The following CDH13 variants were observed in gnomAD, a reference collection of about 807,000 sequenced individuals.
The protein encoded by CDH13 is cadherin 13.
A neutral mutation model predicts 63.8 loss-of-function variants in CDH13; 24 were observed. That is an observed-to-expected ratio of 0.38 (90% CI 0.27 to 0.53). The LOEUF is 0.53. Ranked by LOEUF, CDH13 falls within the 20% of genes least tolerant of loss-of-function variation. The pLI, the probability that CDH13 is intolerant of heterozygous loss-of-function variation, is 0.85. For synonymous variants in CDH13, 503 were observed against 355.3 expected (o/e 1.42, Z -4.67); for missense variants, 1,049 against 903.1 (o/e 1.16, Z -2.07).
Position 83,521,887 on chromosome 16 carries a change from A to G in CDH13, c.960+35232A>G, listed in dbSNP as rs528737092. Among the ~76,000 whole-genome samples the G allele has an allele frequency of 7.9e-5, 12 of 152,368 alleles. No homozygotes were observed. The East Asian group carries it at 2.3e-3, about 29-fold the overall frequency. On this transcript the variant is annotated intron_variant, in intron 7 of 13. Transcript: ENST00000567109. The stretch of plus-strand genomic sequence containing the variant: ...CTTCACCTATAATACAGGGCAAATC[A>G]TCCTACTATATGAGGTCGTTGAAGT...
intron 3 of CDH13, among the ~76,000 whole-genome samples, chr16:83,045,814 G>T (rs1461100781): frequency 1.3e-5 from 2 of 152,156 alleles, no homozygotes; most frequent in African/African-American, 4.8e-5. Context: ...CATTTATTCA[G>T]TCTTTTTCCA....
intron 2 of CDH13, among the ~76,000 whole-genome samples, chr16:82,893,146 C>T (rs576851099): frequency 1.3e-5 from 2 of 152,210 alleles, no homozygotes; most frequent in Non-Finnish European, 2.9e-5. Context: ...AGCAAACAAA[C>T]AAGCAAACCT....
chr16:83,512,371 A>G (rs894253241), intron 7 of CDH13, among the ~76,000 whole-genome samples: 1 of 139,608 alleles, frequency 7.2e-6, no homozygotes, highest in African/African-American at 2.6e-5. Context: ...TAAATAAATA[A>G]AATAAAAATA....
At chr16:82,818,740 C>T (rs976672980) in intron 1 of CDH13, among the ~76,000 whole-genome samples, 12 of 152,168 alleles carry the variant, frequency 7.9e-5, no homozygotes, top group African/African-American at 2.7e-4. Context: ...AGGCATCTCT[C>T]GGCAGCATGC....
rs183484553 is a variant in CDH13, at chr16:83,427,589, A to T, written c.782-58888A>T. The stretch of plus-strand genomic sequence containing the variant: ...TTTAAGTCACTAAGATGGTACAGTT[A>T]GTTACTGCAGCTGCAAGAGACTCAT... On this transcript the variant is annotated intron_variant, in intron 6 of 13. Transcript: ENST00000567109. 2.8e-3 allele frequency among the ~76,000 whole-genome samples: 428 copies of T among 152,298 alleles called. 5 individuals are homozygous for T. Among genetic ancestry groups the T allele is most frequent in the African/African-American group, 9.8e-3 (408 of 41,572 alleles).
intron 6 of CDH13, among the ~76,000 whole-genome samples, chr16:83,418,546 A>C (rs1016040258): frequency 6.6e-6 from 1 of 152,184 alleles, no homozygotes; most frequent in Non-Finnish European, 1.5e-5. Context: ...GCAGACTTCA[A>C]GTTACAAGTT....
chr16:83,434,639 ATGTACATAGCCCTTCC>A (rs1328298318), intron 6 of CDH13, among the ~76,000 whole-genome samples: 1 of 151,814 alleles, frequency 6.6e-6, no homozygotes, highest in Admixed American at 6.6e-5. Flanking sequence ...ATCAGTAATC[ATGTACATAGCCCTTCC>A]TCTTATCCCT....
chr16:82,946,427 A>G lies in CDH13; in HGVS notation c.158-85583A>G, dbSNP rs915728596. 3.0e-4 allele frequency among the ~76,000 whole-genome samples: 46 copies of G among 152,282 alleles called. 1 individual carries two copies. Among genetic ancestry groups the G allele is most frequent in the African/African-American group, 9.6e-4 (40 of 41,560 alleles). ...ATTTCATCATATAAAATTAAGCTTA[A>G]TCTTCATTTAGGCCAGGTGTGGTGG... On this transcript the variant is annotated intron_variant, in intron 2 of 13. Coordinates refer to ENST00000567109, the MANE Select transcript of CDH13 (RefSeq NM_001257.5).
At chr16:82,799,286 C>T (rs549629415) in intron 1 of CDH13, among the ~76,000 whole-genome samples, 1 of 152,310 alleles carries the variant, frequency 6.6e-6, no homozygotes, top group South Asian at 2.1e-4. Flanking sequence ...AATTGATACT[C>T]ATGAAAGTTG....
chr16:82,755,218 T>G (rs2151075248), intron 1 of CDH13, among the ~76,000 whole-genome samples: 1 of 152,332 alleles, frequency 6.6e-6, no homozygotes, highest in South Asian at 2.1e-4. Flanking sequence ...TCCCTTTTTC[T>G]CTGCAGCTTG....
chr16:83,477,032 G>T (rs953609268), intron 6 of CDH13, among the ~76,000 whole-genome samples: 1 of 152,204 alleles, frequency 6.6e-6, no homozygotes, highest in Non-Finnish European at 1.5e-5. Flanking sequence ...AATGAATCAT[G>T]ATGGGGGACC....
rs570295412 is a variant in CDH13, at chr16:83,799,379, G to A, written c.*4349G>A. On this transcript the variant is annotated 3_prime_UTR_variant, in exon 14 of 14. Transcript: ENST00000567109. Reference sequence around the variant, plus strand: ...CCATTCACTACCAAACCAACTGAGGGGAGAGAAAACTGAGGGAGAAAGTGG... The same window carrying A: ...CCATTCACTACCAAACCAACTGAGGAGAGAGAAAACTGAGGGAGAAAGTGG... The A allele has an allele frequency of 6.6e-6, 1 of 152,162 alleles. No individual in the cohort carries two copies. The highest frequency in any genetic ancestry group is 1.9e-4 in the East Asian group (1 of 5,188). The allele number at this position is 152,162 out of a possible 1,614,324, so 9.4% of individuals were successfully genotyped here.
intron 1 of CDH13, among the ~76,000 whole-genome samples, chr16:82,668,614 T>C (rs774568155): frequency 9.2e-5 from 14 of 152,222 alleles, no homozygotes; most frequent in Non-Finnish European, 1.8e-4. Context: ...TGAGGCCCTG[T>C]CTTTTATCTA....
intron 5 of CDH13, among the ~76,000 whole-genome samples, chr16:83,280,430 CTTCTAA>C (rs2089134900): frequency 6.6e-6 from 1 of 152,234 alleles, no homozygotes; most frequent in Non-Finnish European, 1.5e-5. Flanking sequence ...TCAAGCCACA[CTTCTAA>C]TTCTAGCTCT....
intron 6 of CDH13, among the ~76,000 whole-genome samples, chr16:83,481,601 C>A (rs1200665052): frequency 6.6e-6 from 1 of 152,196 alleles, no homozygotes; most frequent in Non-Finnish European, 1.5e-5. Flanking sequence ...TGTTAATCAG[C>A]CTGTCAGGCT....
In CDH13 at chr16:83,110,365, C is replaced by T. The variant is rs1244455641; in HGVS notation, c.367-15020C>T. On this transcript the variant is annotated intron_variant, in intron 3 of 13. Coordinates refer to ENST00000567109, the MANE Select transcript of CDH13 (RefSeq NM_001257.5). The stretch of plus-strand genomic sequence containing the variant: ...ACCACACAACAGCTGGTTTTGGTCA[C>T]TTGGTAGGTGACAATCCAGTGACCA... 4.6e-5 allele frequency among the ~76,000 whole-genome samples: 7 copies of T among 152,322 alleles called. No homozygotes were observed. The East Asian group carries it at 1.2e-3, about 25-fold the overall frequency.
At chr16:83,607,304 T>C (rs1265561170) in intron 8 of CDH13, among the ~76,000 whole-genome samples, 5 of 151,752 alleles carry the variant, frequency 3.3e-5, no homozygotes, top group Admixed American at 3.3e-4. Flanking sequence ...CCTGTAATCC[T>C]AGCTACTTGG....
At chr16:83,093,465 C>T (rs2151587163) in intron 3 of CDH13, among the ~76,000 whole-genome samples, 1 of 151,674 alleles carries the variant, frequency 6.6e-6, no homozygotes, top group Non-Finnish European at 1.5e-5. Flanking sequence ...ATTATAGGCA[C>T]CCACCACCAT....
intron 5 of CDH13, among the ~76,000 whole-genome samples, chr16:83,343,619 G>T (rs192654706): frequency 6.6e-6 from 1 of 152,168 alleles, no homozygotes; most frequent in Non-Finnish European, 1.5e-5. Flanking sequence ...AAGAATGTTT[G>T]TCTTTCATTT....
Sources: allele counts gnomAD v4.1 joint callset (sites outside exome capture counted in the v4.1 genomes callset), GRCh38; gene constraint gnomAD v4.1.1; transcripts MANE v1.5; gene names NCBI Gene and HGNC (gene_info 2026-07-23, HGNC 2026-07-21).